OC90: variants seen among roughly 807,000 people sequenced by gnomAD.
The protein encoded by OC90 is otoconin 90, also known as otoconin-90.
In OC90, 46 loss-of-function variants were observed where a neutral mutation model predicts 47.3. The observed-to-expected ratio is 0.97, with a 90% confidence interval of 0.77 to 1.24. OC90 has a LOEUF of 1.24. OC90 is among the 50% of genes most tolerant of loss of function. OC90 has a pLI of 0.00. For synonymous variants in OC90, 271 were observed against 219.5 expected, an observed-to-expected ratio of 1.23 and a Z score of -2.07; for missense variants, 688 against 583.9, an observed-to-expected ratio of 1.18 and a Z score of -1.84.
intron 2 of OC90, among the ~76,000 whole-genome samples, chr8:132,050,532 A>G (rs1823197682): frequency 6.6e-6 from 1 of 152,192 alleles, no homozygotes; most frequent in African/African-American, 2.4e-5. Context: ...GGATGGAAAT[A>G]GACACTGAAC....
chr8:132,030,698 T>A (rs1822860384), intron 12 of OC90, among the ~76,000 whole-genome samples: 1 of 152,196 alleles, frequency 6.6e-6, no homozygotes, highest in Non-Finnish European at 1.5e-5. Flanking sequence ...GAGTGAAAAC[T>A]TCTTTAGGGT....
At chr8:132,033,191 G>T in intron 10 of OC90, 27 bp from the exon 11 acceptor site, 1 of 1,595,374 alleles carries the variant, frequency 6.3e-7, no homozygotes, top group East Asian at 2.2e-5. Flanking sequence ...TCATGATTCG[G>T]ATTCAAAAAG....
intron 2 of OC90, chr8:132,049,721 C>A: frequency 2.1e-6 from 1 of 473,216 alleles, no homozygotes; most frequent in South Asian, 1.5e-5. Flanking sequence ...ATATAACCTT[C>A]TTCACACCTT....
intron 10 of OC90, 95 bp downstream of exon 10, chr8:132,034,686 A>C: frequency 2.4e-6 from 2 of 844,222 alleles, no homozygotes; most frequent in Non-Finnish European, 1.9e-6. Flanking sequence ...GTCATGGTGC[A>C]TTTCATTTGG....
intron 10 of OC90, among the ~76,000 whole-genome samples, chr8:132,033,838 A>G (rs1346089406): frequency 6.6e-6 from 1 of 151,948 alleles, no homozygotes; most frequent in African/African-American, 2.4e-5. Flanking sequence ...GTACAGGGAA[A>G]GAGAACAGCA....
chr8:132,029,438 A>ATT (rs1278999693), intron 12 of OC90, among the ~76,000 whole-genome samples: 1 of 152,132 alleles, frequency 6.6e-6, no homozygotes, highest in Non-Finnish European at 1.5e-5. Flanking sequence ...ATTATTTTTG[A>ATT]TTTTTATTGT....
intron 6 of OC90, among the ~76,000 whole-genome samples, chr8:132,040,782 G>A (rs1823040221): frequency 6.6e-6 from 1 of 152,170 alleles, no homozygotes; most frequent in African/African-American, 2.4e-5. Context: ...AAGGTCTCAG[G>A]GTTGTACAAG....
intron 10 of OC90, 104 bp from the exon 11 acceptor site, chr8:132,033,268 G>A (rs1419903203): frequency 4.3e-6 from 5 of 1,162,352 alleles, no homozygotes; most frequent in Middle Eastern, 1.9e-4. Flanking sequence ...ACAACATAGT[G>A]TTAGGAGAAT....
intron 2 of OC90, among the ~76,000 whole-genome samples, chr8:132,048,948 G>A (rs1476512808): frequency 6.6e-6 from 1 of 151,542 alleles, no homozygotes; most frequent in Non-Finnish European, 1.5e-5. Context: ...TGTGTGGGTT[G>A]GGAGCCTGCT....
At chr8:132,029,692 C>T (rs765206905) in intron 12 of OC90, among the ~76,000 whole-genome samples, 2 of 152,150 alleles carry the variant, frequency 1.3e-5, no homozygotes, top group Non-Finnish European at 2.9e-5. Context: ...AAATAAAGAA[C>T]TGCATCTAGA....
chr8:132,032,974 G>A (rs900870276), intron 11 of OC90, 65 bp downstream of exon 11: 27 of 1,559,624 alleles, frequency 1.7e-5, no homozygotes, highest in South Asian at 9.5e-5. Context: ...GTGGCCTACG[G>A]TGATTGTTCA....
intron 8 of OC90, 84 bp downstream of exon 8, chr8:132,038,706 C>A: frequency 9.5e-7 from 1 of 1,051,900 alleles, no homozygotes; most frequent in Non-Finnish European, 1.5e-6. Context: ...GTGAGGCAGG[C>A]CTGGTGGAGG....
At position 132,024,760 on chromosome 8, in the gene OC90, C is replaced by T. The variant is rs374873248; in HGVS notation, c.1155G>A (p.Leu385=). ...DHTPKCGGQS[L]CEKLLCACDQ... Reference sequence around the variant, plus strand: ...CACAGGCACAGAGCAACTTCTCACACAGGCTTTGGCCCCCACCTTAGAAGG... The same window carrying T: ...CACAGGCACAGAGCAACTTCTCACATAGGCTTTGGCCCCCACCTTAGAAGG... The change falls in exon 14 of 14, where the codon CTG becomes CTA. Residue 385 remains leucine, a synonymous_variant. Coordinates refer to ENST00000254627, the MANE Select transcript of OC90 (RefSeq NM_001080399.3). The T allele has an allele frequency of 1.2e-6, 2 of 1,612,894 alleles. No individual in the cohort carries two copies. The highest frequency in any genetic ancestry group is 1.3e-5 in the African/African-American group (1 of 74,928).
At chr8:132,045,620 C>T (rs529923163) in intron 3 of OC90, among the ~76,000 whole-genome samples, 198 bp downstream of exon 3, 1 of 152,320 alleles carries the variant, frequency 6.6e-6, no homozygotes, top group African/African-American at 2.4e-5. Flanking sequence ...GACTTTGTCT[C>T]AGTTGTGAGA....
chr8:132,025,759 T>C (rs188045915), intron 13 of OC90, among the ~76,000 whole-genome samples: 83 of 152,300 alleles, frequency 5.4e-4, no homozygotes, highest in African/African-American at 1.7e-3. Flanking sequence ...TACTTCTGTC[T>C]CTTGGCTGAA....
chr8:132,028,364 T>C (rs935266102), intron 13 of OC90, among the ~76,000 whole-genome samples: 1 of 151,588 alleles, frequency 6.6e-6, no homozygotes, highest in Non-Finnish European at 1.5e-5. Flanking sequence ...TAGCTGGACA[T>C]GGTGGCACAT....
chr8:132,034,699 C>A, intron 10 of OC90, 82 bp downstream of exon 10: 1 of 948,912 alleles, frequency 1.1e-6, no homozygotes, highest in African/African-American at 1.7e-5. Flanking sequence ...TCATTTGGAA[C>A]CCAGTTGATA....
chr8:132,049,376 C>A (rs76589928), intron 2 of OC90, among the ~76,000 whole-genome samples: 519 of 152,280 alleles, frequency 3.4e-3, no homozygotes, highest in Middle Eastern at 0.01. Flanking sequence ...GGAAAAAGAT[C>A]CTGTCCAACT....
At chr8:132,034,877 C>G (rs1330907001) in intron 9 of OC90, 43 bp from the exon 10 acceptor site, 2 of 1,497,228 alleles carry the variant, frequency 1.3e-6, no homozygotes, top group South Asian at 2.3e-5. Context: ...TCCACCCCAG[C>G]CTGTCCCACC....
Sources: allele counts gnomAD v4.1 joint callset (sites outside exome capture counted in the v4.1 genomes callset), GRCh38; gene constraint gnomAD v4.1.1; transcripts MANE v1.5; gene names NCBI Gene and HGNC (gene_info 2026-07-23, HGNC 2026-07-21).